Variants in CNTN5 observed in about 807,000 individuals in gnomAD.
The protein encoded by CNTN5 is contactin-5.
Under a neutral mutation model 129.1 loss-of-function variants are expected in CNTN5, and 77 were observed. The ratio of observed to expected loss-of-function variants is 0.60; its 90% CI spans 0.50 to 0.72. The LOEUF is 0.72. Ranked by LOEUF, CNTN5 falls within the 30% of genes least tolerant of loss-of-function variation. The pLI, the probability that CNTN5 is intolerant of heterozygous loss-of-function variation, is 0.00. For missense variants in CNTN5, 1,478 were observed against 1,328.8 expected, an observed-to-expected ratio of 1.11 and a Z score of -1.75; for synonymous variants, 509 against 465.6, an observed-to-expected ratio of 1.09 and a Z score of -1.20.
chr11:99,518,835 T>C (rs1947160657), intron 2 of CNTN5, among the ~76,000 whole-genome samples: 1 of 152,080 alleles, frequency 6.6e-6, no homozygotes, highest in African/African-American at 2.4e-5. Context: ...CTACCTCCAG[T>C]GCAACACTTT....
intron 2 of CNTN5, among the ~76,000 whole-genome samples, chr11:99,515,411 A>C (rs1327899673): frequency 6.6e-6 from 1 of 152,096 alleles, no homozygotes; most frequent in African/African-American, 2.4e-5. Context: ...TCAGAATAAA[A>C]ATGCATTGTT....
rs1864910906 is a variant in CNTN5, at chr11:99,307,085, A to G, written c.-209-18261A>G. Among the ~76,000 whole-genome samples the G allele has an allele frequency of 2.0e-5, 3 of 152,186 alleles. No homozygotes were observed. In the South Asian group the frequency reaches 6.2e-4, roughly 32 times the overall value. On this transcript the variant is annotated intron_variant, in intron 1 of 24. Transcript: ENST00000524871. ...GTTTTGATCCCTAATGAAATATGAA[A>G]AGAATTAACATGAATTGTTGTATGG...
intron 3 of CNTN5, among the ~76,000 whole-genome samples, chr11:99,782,334 A>T (rs1945341439): frequency 6.7e-6 from 1 of 149,312 alleles, no homozygotes; most frequent in Middle Eastern, 3.5e-3. Context: ...AAGAGGATAC[A>T]AACAAATGGA....
intron 6 of CNTN5, among the ~76,000 whole-genome samples, chr11:99,845,746 T>C (rs996183703): frequency 1.3e-5 from 2 of 152,152 alleles, no homozygotes; most frequent in Admixed American, 6.5e-5. Flanking sequence ...GCCTGACAGG[T>C]TGAAGTCCTT....
chr11:99,962,707 G>C (rs1313599178), intron 8 of CNTN5, among the ~76,000 whole-genome samples: 4 of 151,180 alleles, frequency 2.6e-5, no homozygotes, highest in African/African-American at 7.3e-5. Context: ...GGTATTTCTA[G>C]TTCTAGATCC....
At chr11:99,168,294 T>C (rs1860974493) in intron 1 of CNTN5, among the ~76,000 whole-genome samples, 1 of 150,624 alleles carries the variant, frequency 6.6e-6, no homozygotes, top group South Asian at 2.1e-4. Context: ...CTGGGTGTGA[T>C]GGCTCACGCC....
chr11:99,442,650 G>T (rs1463883775), intron 2 of CNTN5, among the ~76,000 whole-genome samples: 1 of 152,174 alleles, frequency 6.6e-6, no homozygotes, highest in African/African-American at 2.4e-5. Context: ...TGTGACTCCT[G>T]CAATAAAGGC....
chr11:99,714,411 T>A (rs1340980720), intron 3 of CNTN5, among the ~76,000 whole-genome samples: 6 of 151,896 alleles, frequency 4.0e-5, no homozygotes. Flanking sequence ...GAATTTTGAG[T>A]AGGACCATCC....
At chr11:99,598,355 TC>T (rs1950202798) in intron 3 of CNTN5, among the ~76,000 whole-genome samples, 1 of 51,848 alleles carries the variant, frequency 1.9e-5, no homozygotes, top group African/African-American at 7.7e-5. Flanking sequence ...TCTCTCTCTC[TC>T]TCTCTCTCTC....
In CNTN5 at chr11:99,035,850, A is replaced by C. The variant is rs572930499; in HGVS notation, c.-210+14580A>C. Among the ~76,000 whole-genome samples the C allele has an allele frequency of 7.0e-3, 1,038 of 148,346 alleles. 15 individuals carry two copies. The highest frequency in any genetic ancestry group is 0.023 in the African/African-American group (927 of 39,998). The stretch of plus-strand genomic sequence containing the variant: ...GGTTATTTTGCTCGTTAGTTGATGC[A>C]GTTTCTTCCTAGTCTCGATGGTCTT... On this transcript the variant is annotated intron_variant, in intron 1 of 24. Coordinates refer to ENST00000524871, the MANE Select transcript of CNTN5 (RefSeq NM_014361.4).
intron 1 of CNTN5, among the ~76,000 whole-genome samples, chr11:99,070,760 C>G (rs1463603878): frequency 1.3e-5 from 2 of 151,294 alleles, no homozygotes; most frequent in Non-Finnish European, 2.9e-5. Flanking sequence ...GTGGACCTCA[C>G]TCAGATAATA....
chr11:99,904,975 T>C (rs1486684746), intron 6 of CNTN5, among the ~76,000 whole-genome samples: 2 of 149,632 alleles, frequency 1.3e-5, no homozygotes, highest in African/African-American at 5.1e-5. Context: ...CTTCACCCAC[T>C]TTTTGATGGG....
chr11:99,108,100 C>T (rs78614336), intron 1 of CNTN5, among the ~76,000 whole-genome samples: 2 of 151,794 alleles, frequency 1.3e-5, no homozygotes, highest in Non-Finnish European at 2.9e-5. Flanking sequence ...AAGGTAATTC[C>T]TCAGTTGTGA....
chr11:99,621,969 C>A (rs772630800), intron 3 of CNTN5, among the ~76,000 whole-genome samples: 2 of 152,132 alleles, frequency 1.3e-5, no homozygotes, highest in African/African-American at 4.8e-5. Context: ...TGACTGAATT[C>A]TCTAACATCA....
chr11:99,497,241 A>T (rs1946260105), intron 2 of CNTN5, among the ~76,000 whole-genome samples: 1 of 152,252 alleles, frequency 6.6e-6, no homozygotes, highest in African/African-American at 2.4e-5. Flanking sequence ...TTATGGAAAC[A>T]GGTTATTTAG....
chr11:99,856,540 A>T (rs1948040345), intron 6 of CNTN5, among the ~76,000 whole-genome samples: 1 of 152,094 alleles, frequency 6.6e-6, no homozygotes, highest in Non-Finnish European at 1.5e-5. Flanking sequence ...TGCCAGAGAG[A>T]TGTTCTGCTC....
At chr11:99,376,089 GC>G (rs1295954567) in intron 2 of CNTN5, among the ~76,000 whole-genome samples, 2 of 152,072 alleles carry the variant, frequency 1.3e-5, no homozygotes, top group Non-Finnish European at 2.9e-5. Context: ...GATAGTTTCA[GC>G]GAGGTAGGAT....
chr11:99,144,034 C>G (rs1429217522), intron 1 of CNTN5, among the ~76,000 whole-genome samples: 1 of 152,106 alleles, frequency 6.6e-6, no homozygotes, highest in Non-Finnish European at 1.5e-5. Flanking sequence ...ATTATGAAAT[C>G]ATAATGAATA....
intron 1 of CNTN5, among the ~76,000 whole-genome samples, chr11:99,306,474 T>C (rs34434634): frequency 0.069 from 10,473 of 152,216 alleles, 512 homozygotes; most frequent in South Asian, 0.15. Context: ...ATACCTACCA[T>C]AGTGCCCAAT....
Sources: allele counts gnomAD v4.1 joint callset (sites outside exome capture counted in the v4.1 genomes callset), GRCh38; gene constraint gnomAD v4.1.1; transcripts MANE v1.5; gene names NCBI Gene and HGNC (gene_info 2026-07-23, HGNC 2026-07-21).